IL36B: variants seen among roughly 807,000 people sequenced by gnomAD.
IL36B encodes interleukin-36 beta.
Under a neutral mutation model 19.3 loss-of-function variants are expected in IL36B, and 23 were observed. The observed-to-expected ratio is 1.19, with a 90% CI of 0.86 to 1.69. IL36B has a LOEUF of 1.69. Ranked by LOEUF, IL36B falls within the 40% of genes most tolerant of loss-of-function variation. The pLI is 0.00. For missense variants in IL36B, 217 were observed against 200.5 expected, an observed-to-expected ratio of 1.08 and a Z score of -0.50; for synonymous variants, 59 against 59.7, an observed-to-expected ratio of 0.99 and a Z score of 0.05.
intron 5 of IL36B, among the ~76,000 whole-genome samples, chr2:113,023,584 G>A (rs908494199): frequency 1.3e-5 from 2 of 152,170 alleles, no homozygotes; most frequent in Non-Finnish European, 2.9e-5. Flanking sequence ...TCTGTCAGCT[G>A]CACAGTCTTT....
intron 3 of IL36B, among the ~76,000 whole-genome samples, chr2:113,029,713 G>C (rs923672147): frequency 1.6e-4 from 24 of 152,168 alleles, no homozygotes; most frequent in African/African-American, 5.5e-4. Flanking sequence ...GTAAACTATT[G>C]AGAGAGGAGA....
At chr2:113,023,856 G>A (rs755544454) in intron 5 of IL36B, among the ~76,000 whole-genome samples, 1 of 152,088 alleles carries the variant, frequency 6.6e-6, no homozygotes, top group Non-Finnish European at 1.5e-5. Context: ...AACCCGTGTT[G>A]TTTTCTTGCC....
intron 4 of IL36B, chr2:113,026,306 G>T: frequency 6.3e-7 from 1 of 1,590,644 alleles, no homozygotes; most frequent in South Asian, 1.1e-5. Context: ...TTGGTTGCAC[G>T]GCAATGACTG....
At chr2:113,052,672 G>A (rs1473404744) in intron 1 of IL36B, 145 bp downstream of exon 1, 1 of 152,256 alleles carries the variant, frequency 6.6e-6, no homozygotes, top group South Asian at 2.1e-4. Flanking sequence ...CATTACGCCA[G>A]TCTGTTGGAG....
chr2:113,051,196 G>A (rs928039636), intron 1 of IL36B, among the ~76,000 whole-genome samples: 27 of 152,236 alleles, frequency 1.8e-4, no homozygotes, highest in Non-Finnish European at 2.8e-4. Flanking sequence ...ATGGAGCTCA[G>A]CCAGTGCCTA....
chr2:113,023,052 T>A (rs1339870166), intron 5 of IL36B, among the ~76,000 whole-genome samples: 1 of 152,198 alleles, frequency 6.6e-6, no homozygotes, highest in African/African-American at 2.4e-5. Context: ...CTCACTTCCC[T>A]AATCCAGCTG....
chr2:113,035,180 A>G (rs1390690421), intron 1 of IL36B, among the ~76,000 whole-genome samples: 1 of 152,190 alleles, frequency 6.6e-6, no homozygotes, highest in African/African-American at 2.4e-5. Context: ...CAAGGGATCA[A>G]TGGGTCAAGT....
intron 4 of IL36B, chr2:113,027,763 T>G: frequency 6.9e-7 from 1 of 1,448,642 alleles, no homozygotes; most frequent in Non-Finnish European, 9.1e-7. Context: ...GAGGAGGAGG[T>G]GGCTTTTGGA....
intron 1 of IL36B, among the ~76,000 whole-genome samples, chr2:113,034,073 T>G (rs1487438117): frequency 2.0e-5 from 3 of 152,162 alleles, no homozygotes; most frequent in Non-Finnish European, 4.4e-5. Context: ...GTCGTATGAC[T>G]CTCTTGCACA....
chr2:113,024,191 T>C (rs1174118383), intron 5 of IL36B, among the ~76,000 whole-genome samples: 2 of 152,100 alleles, frequency 1.3e-5, no homozygotes, highest in East Asian at 3.9e-4. Flanking sequence ...CACCATTCAA[T>C]AGTCCTGGGC....
At chr2:113,034,496 A>ATTTG (rs1212045316) in intron 1 of IL36B, among the ~76,000 whole-genome samples, 2 of 151,802 alleles carry the variant, frequency 1.3e-5, no homozygotes, top group African/African-American at 4.8e-5. Flanking sequence ...CTATTTATTT[A>ATTTG]TTTATTATCT....
intron 4 of IL36B, among the ~76,000 whole-genome samples, chr2:113,027,227 G>A (rs1442606305): frequency 6.6e-6 from 1 of 152,132 alleles, no homozygotes; most frequent in Non-Finnish European, 1.5e-5. Flanking sequence ...AGAAAGAGGA[G>A]GGATTGTTTT....
chr2:113,039,773 A>G (rs891305591), intron 1 of IL36B, among the ~76,000 whole-genome samples: 1 of 152,242 alleles, frequency 6.6e-6, no homozygotes, highest in Non-Finnish European at 1.5e-5. Context: ...CCTTCTTAAA[A>G]CAGAAAGGCA....
At chr2:113,025,727 A>G (rs779155624) in intron 5 of IL36B, among the ~76,000 whole-genome samples, 8 of 152,208 alleles carry the variant, frequency 5.3e-5, no homozygotes, top group Non-Finnish European at 1.0e-4. Context: ...ATAGGCAGCA[A>G]TGGAAGTGTT....
chr2:113,028,831 A>C, intron 4 of IL36B, 108 bp downstream of exon 4: 1 of 1,178,272 alleles, frequency 8.5e-7, no homozygotes, highest in South Asian at 1.8e-5. Context: ...ATTTCCTTAC[A>C]TTGAATAGTC....
At chr2:113,029,227 T>C in intron 3 of IL36B, 149 bp from the exon 4 acceptor site, 1 of 751,518 alleles carries the variant, frequency 1.3e-6, no homozygotes. Context: ...TATTTTGTTT[T>C]TCGTCCTTAA....
chr2:113,026,247 T>A lies in IL36B; in HGVS notation c.262-15A>T, dbSNP rs1159644232. On this transcript the variant is annotated splice_polypyrimidine_tract_variant and intron_variant, in intron 4 of 5. Transcript: ENST00000259213. ...GAGCCCTGAAGCTGGAAGAGAGAAA[T>A]GTTCAATGTTGCTGAGATAATACAC... 1.2e-6 allele frequency: 2 copies of A among 1,613,090 alleles called. No individual in the cohort carries two copies. Among genetic ancestry groups the A allele is most frequent in the Non-Finnish European group, 1.7e-6 (2 of 1,179,454 alleles).
At chr2:113,024,606 T>G (rs955865692) in intron 5 of IL36B, among the ~76,000 whole-genome samples, 9 of 152,134 alleles carry the variant, frequency 5.9e-5, no homozygotes, top group African/African-American at 2.2e-4. Flanking sequence ...TCTTGAGTCT[T>G]TCTGTGGTTT....
intron 1 of IL36B, among the ~76,000 whole-genome samples, chr2:113,036,423 G>A (rs759818324): frequency 2.0e-5 from 3 of 151,064 alleles, no homozygotes; most frequent in Non-Finnish European, 4.4e-5. Flanking sequence ...AAACTTAGGA[G>A]GGCTTATTCA....
Sources: allele counts gnomAD v4.1 joint callset (sites outside exome capture counted in the v4.1 genomes callset), GRCh38; gene constraint gnomAD v4.1.1; transcripts MANE v1.5; gene names NCBI Gene and HGNC (gene_info 2026-07-23, HGNC 2026-07-21).